The following CCDC134 variants were observed in gnomAD, a reference collection of about 807,000 sequenced individuals.
The protein encoded by CCDC134 is coiled-coil domain containing 134, also known as coiled-coil domain-containing protein 134.
In CCDC134, 27 loss-of-function variants were observed where a neutral mutation model predicts 25.6. The ratio of observed to expected loss-of-function variants is 1.05; its 90% confidence interval spans 0.78 to 1.45. The LOEUF (loss-of-function observed/expected upper bound fraction) is 1.45, where lower values mean the gene tolerates loss of function less well. CCDC134 is among the 40% of genes most tolerant of loss of function. The pLI is 0.00. For missense variants in CCDC134, 261 were observed against 286.7 expected, an observed-to-expected ratio of 0.91 and a Z score of 0.65; for synonymous variants, 110 against 115.0, an observed-to-expected ratio of 0.96 and a Z score of 0.28.
In CCDC134 at chr22:41,801,747, A is replaced by G. The variant is rs191068904; in HGVS notation, c.-17+981A>G. On this transcript the variant is annotated intron_variant, in intron 1 of 6. Coordinates refer to ENST00000255784, the MANE Select transcript of CCDC134 (RefSeq NM_024821.5). ...TTATTGCTGTATTCCCGCCTCTAGA[A>G]CAGTGCCTAGAGTGTGGTAGGTACT... Among the ~76,000 whole-genome samples the G allele has an allele frequency of 1.9e-4, 29 of 152,292 alleles. 1 individual carries two copies. In the East Asian group the frequency reaches 5.4e-3, roughly 28 times the overall value.
At chr22:41,817,382 G>A (rs1197529347) in intron 6 of CCDC134, among the ~76,000 whole-genome samples, 1 of 152,164 alleles carries the variant, frequency 6.6e-6, no homozygotes, top group Non-Finnish European at 1.5e-5. Context: ...GAGTGAGCCA[G>A]GCTGTCTAGT....
In CCDC134 at chr22:41,827,335, C is replaced by CA. The variant is rs1238419888; in HGVS notation, c.*1513dup. On this transcript the variant is annotated 3_prime_UTR_variant, in exon 7 of 7. Transcript: ENST00000255784. ...GACTCAACAGACATAGTTTCATCTC[C>CA]ACCCTGCCCTTCTCAGGTTGTGTGA... Among the ~76,000 whole-genome samples the CA allele has an allele frequency of 5.9e-5, 9 of 152,188 alleles. No homozygotes were observed. The highest frequency in any genetic ancestry group is 2.2e-4 in the African/African-American group (9 of 41,440).
chr22:41,825,949 G>C lies in CCDC134; in HGVS notation c.*126G>C. 1 of 1,341,688 alleles carries C rather than the reference G, an allele frequency of 7.5e-7. No homozygotes were observed. Among genetic ancestry groups the C allele is most frequent in the South Asian group, 1.4e-5 (1 of 71,186 alleles). 83.1% of individuals were successfully genotyped at this position (1,341,688 alleles called of 1,614,324 possible). ...CAGAAGGGGAGGCCACATTTGCCCGGCCCCCTGGAGCTGGGTCTGAGCCCC... is the reference window on the plus strand; with the variant it reads ...CAGAAGGGGAGGCCACATTTGCCCGCCCCCCTGGAGCTGGGTCTGAGCCCC... On this transcript the variant is annotated 3_prime_UTR_variant, in exon 7 of 7. Coordinates refer to ENST00000255784, the MANE Select transcript of CCDC134 (RefSeq NM_024821.5). The surrounding 1 kb of genome is among the most constrained non-coding windows in gnomAD (Gnocchi z 4.4).
intron 4 of CCDC134, 71 bp downstream of exon 4, chr22:41,810,362 TC>T: frequency 7.1e-7 from 1 of 1,401,716 alleles, no homozygotes; most frequent in East Asian, 2.5e-5. Context: ...TCTCTCCTGT[TC>T]TTGTCACTCT....
In CCDC134 at chr22:41,813,608, G is replaced by A. The variant is rs529441161; in HGVS notation, c.493-143G>A. The A allele has an allele frequency of 1.7e-4, 198 of 1,189,396 alleles. 2 individuals are homozygous for A. The Middle Eastern group carries it at 2.4e-3, about 14-fold the overall frequency. 73.7% of individuals were successfully genotyped at this position (1,189,396 alleles called of 1,614,324 possible). A position where few individuals can be genotyped will look rare whatever the true frequency, so the allele number is the denominator to read the frequency against. On this transcript the variant is annotated intron_variant, in intron 5 of 6. Coordinates refer to ENST00000255784, the MANE Select transcript of CCDC134 (RefSeq NM_024821.5). ...CAGAGGCCCCATTTCAAGGGATTCT[G>A]TGCTGACCCAGTTCCCATGGGATCA...
Position 41,809,001 on chromosome 22 carries a change from T to C in CCDC134, c.103+8T>C. 6.2e-7 allele frequency: 1 copy of C among 1,606,980 alleles called. No individual in the cohort carries two copies. Among genetic ancestry groups the C allele is most frequent in the South Asian group, 1.1e-5 (1 of 90,896 alleles). On this transcript the variant is annotated splice_region_variant and intron_variant, in intron 2 of 6. Transcript: ENST00000255784. ...ACCCAAGCCTGGAGATCTGTATCCT[T>C]TGGGGTTGTAGTTAATGAGCTGTCT...
In CCDC134 at chr22:41,825,663, C is replaced by T. The variant is rs2076673509; in HGVS notation, c.565-35C>T. The T allele has an allele frequency of 1.9e-6, 3 of 1,612,118 alleles. No homozygotes were observed. Among genetic ancestry groups the T allele is most frequent in the Non-Finnish European group, 8.5e-7 (1 of 1,178,748 alleles). ...GCTCAGAGCAGGCTCTTTGCTGCCA[C>T]AGACTAAATCAGACTGCTCTTCTCT... On this transcript the variant is annotated intron_variant, in intron 6 of 6. Coordinates refer to ENST00000255784, the MANE Select transcript of CCDC134 (RefSeq NM_024821.5). The surrounding 1 kb of genome is among the most constrained non-coding windows in gnomAD (Gnocchi z 4.4).
chr22:41,807,686 T>C (rs903149721), intron 1 of CCDC134, among the ~76,000 whole-genome samples: 1 of 152,192 alleles, frequency 6.6e-6, no homozygotes, highest in African/African-American at 2.4e-5. Context: ...GCAATGTATG[T>C]CCTGGGAATC....
chr22:41,812,998 A>G (rs2076604427), intron 4 of CCDC134, among the ~76,000 whole-genome samples: 2 of 152,194 alleles, frequency 1.3e-5, no homozygotes. Flanking sequence ...GCTACTCACT[A>G]GCTGCTGAGC....
At chr22:41,809,749 A>C in intron 2 of CCDC134, 130 bp from the exon 3 acceptor site, 1 of 1,172,910 alleles carries the variant, frequency 8.5e-7, no homozygotes, top group Non-Finnish European at 1.2e-6. Context: ...CATTTCCTGG[A>C]GGCTTCTAGC....
chr22:41,818,861 G>A (rs2148316681), intron 6 of CCDC134, among the ~76,000 whole-genome samples: 1 of 152,332 alleles, frequency 6.6e-6, no homozygotes, highest in Admixed American at 6.5e-5. Flanking sequence ...CCCAGCAAGG[G>A]GTTACCCATG....
intron 1 of CCDC134, among the ~76,000 whole-genome samples, chr22:41,803,114 CAA>C (rs1313813993): frequency 7.0e-6 from 1 of 143,816 alleles, no homozygotes; most frequent in Non-Finnish European, 1.5e-5. Flanking sequence ...AACTCCGTCT[CAA>C]AAAAAAAAAG....
At position 41,828,056 on chromosome 22, in the gene CCDC134, C is replaced by G. The variant is rs1602249128; in HGVS notation, c.*2233C>G. ...ACCTCAGGACAGTCAGTGGTGGGTC[C>G]AGCTTCGGCTGGAGGTTCTTTCTAC... On this transcript the variant is annotated 3_prime_UTR_variant, in exon 7 of 7. Coordinates refer to ENST00000255784, the MANE Select transcript of CCDC134 (RefSeq NM_024821.5). 6.6e-6 allele frequency among the ~76,000 whole-genome samples: 1 copy of G among 152,212 alleles called. No homozygotes were observed. Among genetic ancestry groups the G allele is most frequent in the East Asian group, 1.9e-4 (1 of 5,200 alleles).
chr22:41,820,000 A>ATT (rs1197802046), intron 6 of CCDC134, among the ~76,000 whole-genome samples: 1 of 67,666 alleles, frequency 1.5e-5, no homozygotes, highest in African/African-American at 7.2e-5. Context: ...TATATATATA[A>ATT]TTTTTTTTTT....
intron 6 of CCDC134, among the ~76,000 whole-genome samples, chr22:41,821,391 A>G (rs2076651016): frequency 1.3e-5 from 2 of 151,650 alleles, no homozygotes; most frequent in South Asian, 4.2e-4. Context: ...ACATATGTAT[A>G]CATGTGCCAT....
intron 3 of CCDC134, 38 bp from the exon 4 acceptor site, chr22:41,810,169 C>T (rs759442562): frequency 1.2e-5 from 19 of 1,604,456 alleles, no homozygotes; most frequent in Non-Finnish European, 1.5e-5. Flanking sequence ...CTGTGATGGG[C>T]ACTGCGAAGC....
Position 41,810,431 on chromosome 22 carries a change from A to G in CCDC134, c.310+140A>G, listed in dbSNP as rs1022040849. On this transcript the variant is annotated intron_variant, in intron 4 of 6. Coordinates refer to ENST00000255784, the MANE Select transcript of CCDC134 (RefSeq NM_024821.5). ...CCTTCTAAGTGGTCCCCTTGGGCAG[A>G]TGGGCGTTTCGTGAGTGGCCTCCCT... The G allele has an allele frequency of 4.6e-5, 22 of 477,554 alleles. No individual in the cohort carries two copies. The Admixed American group carries it at 7.6e-4, about 16-fold the overall frequency. 29.6% of individuals were successfully genotyped at this position (477,554 alleles called of 1,614,324 possible). A position where few individuals can be genotyped will look rare whatever the true frequency, so the allele number is the denominator to read the frequency against.
rs967777137 is a variant in CCDC134, at chr22:41,830,292, T to C, written c.*4469T>C. Reference sequence around the variant, plus strand: ...TCCACCATTTCTACTGAGCCTTCAGTTGTACCCCTTCAGTCCACTTGGCGA... The same window carrying C: ...TCCACCATTTCTACTGAGCCTTCAGCTGTACCCCTTCAGTCCACTTGGCGA... On this transcript the variant is annotated 3_prime_UTR_variant, in exon 7 of 7. Coordinates refer to ENST00000255784, the MANE Select transcript of CCDC134 (RefSeq NM_024821.5). Among the ~76,000 whole-genome samples the C allele has an allele frequency of 2.6e-5, 4 of 152,248 alleles. No homozygotes were observed. The highest frequency in any genetic ancestry group is 9.6e-5 in the African/African-American group (4 of 41,466).
At chr22:41,807,451 A>G (rs1012692280) in intron 1 of CCDC134, among the ~76,000 whole-genome samples, 1 of 151,830 alleles carries the variant, frequency 6.6e-6, no homozygotes, top group Non-Finnish European at 1.5e-5. Flanking sequence ...AGTGCCAGCT[A>G]TTCAGGAGGC....
Sources: gnomAD v4.1 joint callset for allele counts (sites outside exome capture counted in the v4.1 genomes callset) on GRCh38, gnomAD v4.1.1 for gene constraint, Gnocchi (gnomAD v3.1) non-coding constraint, MANE v1.5 for transcripts, NCBI Gene and HGNC (gene_info 2026-07-23, HGNC 2026-07-21) for gene names.